The following KIRREL3 variants were observed in gnomAD, a reference collection of about 807,000 sequenced individuals.
The protein encoded by KIRREL3 is kin of IRRE-like protein 3.
In KIRREL3, 36 loss-of-function variants were observed where a neutral mutation model predicts 89.7. The ratio of observed to expected loss-of-function variants is 0.40; its 90% confidence interval spans 0.31 to 0.53. KIRREL3 has a LOEUF of 0.53. KIRREL3 is among the 20% of genes least tolerant of loss of function. The pLI, the probability that KIRREL3 is intolerant of heterozygous loss-of-function variation, is 0.49. For missense variants in KIRREL3, 864 were observed against 1,056.6 expected, an observed-to-expected ratio of 0.82 and a Z score of 2.53; for synonymous variants, 445 against 441.4, an observed-to-expected ratio of 1.01 and a Z score of -0.10.
rs565225224 is a variant in KIRREL3, at chr11:126,817,613, A to G, written c.55+182842T>C. Among the ~76,000 whole-genome samples, 1 of 152,286 alleles carries G rather than the reference A, an allele frequency of 6.6e-6. No individual in the cohort carries two copies. The highest frequency in any genetic ancestry group is 2.4e-5 in the African/African-American group (1 of 41,558). ...CCTTGCTTTCTCATCCTTCCAGCCTATGTGGCTGCAAAATGACACTTGTAA... is the reference window on the plus strand; with the variant it reads ...CCTTGCTTTCTCATCCTTCCAGCCTGTGTGGCTGCAAAATGACACTTGTAA... On this transcript the variant is annotated intron_variant, in intron 1 of 16. Transcript: ENST00000525144. This position sits in a 1 kb window ranked among gnomAD's most constrained non-coding sequence, Gnocchi z 5.7.
chr11:126,855,030 G>A (rs1382992624), intron 1 of KIRREL3, among the ~76,000 whole-genome samples: 1 of 152,212 alleles, frequency 6.6e-6, no homozygotes, highest in Non-Finnish European at 1.5e-5. Context: ...CGAAGGCCCA[G>A]GGCAGGGCAG....
chr11:126,533,930 G>A (rs546926), intron 2 of KIRREL3, among the ~76,000 whole-genome samples: 69,753 of 152,028 alleles, frequency 0.46, 16,892 homozygotes, highest in East Asian at 0.86. Flanking sequence ...ACACCAGGCC[G>A]CAGGCTGAGC....
intron 1 of KIRREL3, among the ~76,000 whole-genome samples, chr11:126,874,459 G>A (rs534835695): frequency 4.6e-5 from 7 of 152,300 alleles, no homozygotes; most frequent in East Asian, 3.9e-4. Context: ...CAGCACTGCC[G>A]GTGCCTGTGC....
intron 15 of KIRREL3, among the ~76,000 whole-genome samples, chr11:126,426,757 G>A (rs938070783): frequency 2.0e-5 from 3 of 152,154 alleles, no homozygotes; most frequent in African/African-American, 7.2e-5. Flanking sequence ...CTTGCAACCT[G>A]CTTTCCTCGT....
chr11:126,739,993 A>G lies in KIRREL3; in HGVS notation c.56-177081T>C, dbSNP rs1273049732. On this transcript the variant is annotated intron_variant, in intron 1 of 16. Transcript: ENST00000525144. The surrounding 1 kb of genome is among the most constrained non-coding windows in gnomAD (Gnocchi z 5.5). ...CATACAGCTGCACTCTGAATTTGTC[A>G]TGACTCACTGGAGGGTAGGGTGTAT... Among the ~76,000 whole-genome samples the G allele has an allele frequency of 6.6e-6, 1 of 152,176 alleles. No individual in the cohort carries two copies. Among genetic ancestry groups the G allele is most frequent in the Non-Finnish European group, 1.5e-5 (1 of 68,030 alleles).
rs1565486070 is a variant in KIRREL3, at chr11:126,477,612, CT to C, written c.434-4147del. Among the ~76,000 whole-genome samples the C allele has an allele frequency of 1.3e-5, 2 of 152,280 alleles. No homozygotes were observed. The highest frequency in any genetic ancestry group is 4.8e-5 in the African/African-American group (2 of 41,542). On this transcript the variant is annotated intron_variant, in intron 4 of 16. Coordinates refer to ENST00000525144, the MANE Select transcript of KIRREL3 (RefSeq NM_032531.4). The surrounding 1 kb of genome is among the most constrained non-coding windows in gnomAD (Gnocchi z 4.8). The stretch of plus-strand genomic sequence containing the variant: ...GGTTCTCTCTAACCTCTATACTCCC[CT>C]TTTTTTAGAGACAGTTTGCCAGGTT...
chr11:126,471,326 C>T lies in KIRREL3; in HGVS notation c.591+1983G>A, dbSNP rs914603644. 9.9e-5 allele frequency among the ~76,000 whole-genome samples: 15 copies of T among 151,638 alleles called. No individual in the cohort carries two copies. Among genetic ancestry groups the T allele is most frequent in the East Asian group, 3.9e-4 (2 of 5,168 alleles). On this transcript the variant is annotated intron_variant, in intron 5 of 16. Transcript: ENST00000525144. This position sits in a 1 kb window ranked among gnomAD's most constrained non-coding sequence, Gnocchi z 5.4. ...TGGAGGTTGCGGTGAGCTGAGATCA[C>T]GCCATTGCACTCCAGTCTGGGCAAC...
intron 1 of KIRREL3, chr11:126,944,212 G>A (rs951827919): frequency 6.6e-6 from 1 of 152,160 alleles, no homozygotes; most frequent in Non-Finnish European, 1.5e-5. Flanking sequence ...TCTAAGCATA[G>A]AAATGCACAG....
intron 1 of KIRREL3, among the ~76,000 whole-genome samples, chr11:126,722,407 T>C (rs1315598265): frequency 6.6e-6 from 1 of 152,240 alleles, no homozygotes; most frequent in Non-Finnish European, 1.5e-5. Flanking sequence ...TATTTATTTA[T>C]TCCTGATTTA....
Position 126,694,575 on chromosome 11 carries a change from A to G in KIRREL3, c.56-131663T>C, listed in dbSNP as rs995631699. Among the ~76,000 whole-genome samples the G allele has an allele frequency of 2.6e-5, 4 of 152,164 alleles. No homozygotes were observed. Among genetic ancestry groups the G allele is most frequent in the Non-Finnish European group, 4.4e-5 (3 of 68,032 alleles). On this transcript the variant is annotated intron_variant, in intron 1 of 16. Coordinates refer to ENST00000525144, the MANE Select transcript of KIRREL3 (RefSeq NM_032531.4). This position sits in a 1 kb window ranked among gnomAD's most constrained non-coding sequence, Gnocchi z 4.4. ...GTTTGGGGGTGCTGACTAGGCCTTC[A>G]CACAAAGAGGAATCTGCTCTTGTGG... is the stretch of plus-strand genomic sequence containing the variant.
In KIRREL3 at chr11:126,870,863, C is replaced by T. The variant is rs548637469; in HGVS notation, c.55+129592G>A. ...TAGATCTGGGCCCCTGTACATGTGG[C>T]AAGACCTGGAAGTGGGTTCCCTGCA... On this transcript the variant is annotated intron_variant, in intron 1 of 16. Transcript: ENST00000525144. The surrounding 1 kb of genome is among the most constrained non-coding windows in gnomAD (Gnocchi z 4.4). Among the ~76,000 whole-genome samples the T allele has an allele frequency of 6.3e-5, 8 of 126,826 alleles. No homozygotes were observed. Among genetic ancestry groups the T allele is most frequent in the Non-Finnish European group, 1.2e-4 (7 of 57,216 alleles). The allele number at this position is 126,826 out of a possible 152,430, so 83.2% of individuals were successfully genotyped here. A position where few individuals can be genotyped will look rare whatever the true frequency, so the allele number is the denominator to read the frequency against.
At chr11:126,699,682 G>T (rs1382240534) in intron 1 of KIRREL3, among the ~76,000 whole-genome samples, 1 of 152,082 alleles carries the variant, frequency 6.6e-6, no homozygotes, top group Non-Finnish European at 1.5e-5. Context: ...TGCTTCAAAT[G>T]CTCACTGCCA....
intron 1 of KIRREL3, among the ~76,000 whole-genome samples, chr11:126,824,509 G>A (rs1540244): frequency 0.86 from 131,112 of 151,896 alleles, 56,936 homozygotes; most frequent in East Asian, 1. Context: ...GTTTATTTAA[G>A]GATGCATGCC....
chr11:126,657,561 A>C (rs1416106400), intron 1 of KIRREL3, among the ~76,000 whole-genome samples: 2 of 152,148 alleles, frequency 1.3e-5, no homozygotes, highest in East Asian at 3.9e-4. Context: ...CTTCTCACCC[A>C]GTGTGGGGCT....
chr11:126,484,594 T>C lies in KIRREL3; in HGVS notation c.434-11128A>G, dbSNP rs934671212. ...CAAATCAAAGAACAGTAGGCCCTGT[T>C]AAATGTAAATTTCAGATAAATTAAA... On this transcript the variant is annotated intron_variant, in intron 4 of 16. Coordinates refer to ENST00000525144, the MANE Select transcript of KIRREL3 (RefSeq NM_032531.4). The surrounding 1 kb of genome is among the most constrained non-coding windows in gnomAD (Gnocchi z 5.2). Among the ~76,000 whole-genome samples, 7 of 152,218 alleles carry C rather than the reference T, an allele frequency of 4.6e-5. No homozygotes were observed. The highest frequency in any genetic ancestry group is 9.6e-5 in the African/African-American group (4 of 41,458).
chr11:126,541,331 A>C lies in KIRREL3; in HGVS notation c.134-14644T>G, dbSNP rs539351880. Among the ~76,000 whole-genome samples the C allele has an allele frequency of 4.6e-5, 7 of 152,216 alleles. No individual in the cohort carries two copies. The South Asian group carries it at 1.4e-3, about 32-fold the overall frequency. ...CTCAGATGCCTTATCTGTAAAATGCAAGGTTTAAGCGCCTTCCTCCCAACC... is the reference window on the plus strand; with the variant it reads ...CTCAGATGCCTTATCTGTAAAATGCCAGGTTTAAGCGCCTTCCTCCCAACC... On this transcript the variant is annotated intron_variant, in intron 2 of 16. Transcript: ENST00000525144. This position sits in a 1 kb window ranked among gnomAD's most constrained non-coding sequence, Gnocchi z 4.8.
chr11:126,942,761 C>T (rs186638888), intron 1 of KIRREL3, among the ~76,000 whole-genome samples: 84 of 152,300 alleles, frequency 5.5e-4, no homozygotes, highest in East Asian at 4.8e-3. Context: ...AGAGTAGATG[C>T]GCTCCCTTGA....
At chr11:126,916,791 G>T (rs1455391507) in intron 1 of KIRREL3, among the ~76,000 whole-genome samples, 1 of 152,164 alleles carries the variant, frequency 6.6e-6, no homozygotes, top group African/African-American at 2.4e-5. Flanking sequence ...TTAGTTACAT[G>T]GTCCAAACTT....
At chr11:126,512,195 G>A (rs752348528) in intron 4 of KIRREL3, among the ~76,000 whole-genome samples, 1 of 152,320 alleles carries the variant, frequency 6.6e-6, no homozygotes, top group South Asian at 2.1e-4. Flanking sequence ...AGTACTTCAG[G>A]CCTCCAAGAA....
Sources: allele counts gnomAD v4.1 joint callset (sites outside exome capture counted in the v4.1 genomes callset), GRCh38; gene constraint gnomAD v4.1.1; non-coding constraint Gnocchi (gnomAD v3.1); transcripts MANE v1.5; gene names NCBI Gene and HGNC (gene_info 2026-07-23, HGNC 2026-07-21).